DEPDC4: variants seen among roughly 807,000 people sequenced by gnomAD.
The protein encoded by DEPDC4 is DEP domain containing 4, also known as DEP domain-containing protein 4.
DEPDC4 carries 52 observed loss-of-function variants against 52.0 expected under a neutral mutation model. The observed-to-expected ratio is 1.00, with a 90% CI of 0.80 to 1.26. The LOEUF (loss-of-function observed/expected upper bound fraction) is 1.26, where lower values mean the gene tolerates loss of function less well. DEPDC4 is among the 50% of genes most tolerant of loss of function. The pLI, the probability that DEPDC4 is intolerant of heterozygous loss-of-function variation, is 0.00. For synonymous variants in DEPDC4, 201 were observed against 196.8 expected (o/e 1.02, Z -0.18); for missense variants, 530 against 546.9 (o/e 0.97, Z 0.31).
chr12:100,260,843 C>CTGAG (rs2096251088), intron 3 of DEPDC4, among the ~76,000 whole-genome samples: 1 of 151,924 alleles, frequency 6.6e-6, no homozygotes, highest in Admixed American at 6.6e-5. Context: ...TTACAGTGAG[C>CTGAG]TGAGATCACA....
chr12:100,267,759 C>T (rs1241722999), upstream of DEPDC4: 1 of 152,158 alleles, frequency 6.6e-6, no homozygotes, highest in African/African-American at 2.4e-5. Context: ...AACGTAGTAC[C>T]TTTCGGGGAC....
At chr12:100,273,512 A>T in the DEPDC4 span, among the ~76,000 whole-genome samples, 2 of 152,160 alleles carry the variant, frequency 1.3e-5, no homozygotes, top group African/African-American at 4.8e-5. Flanking sequence ...TACATAGTGG[A>T]TACTCAGTAA....
intron 3 of DEPDC4, among the ~76,000 whole-genome samples, chr12:100,259,081 A>ATATAT (rs1555312803): frequency 7.4e-5 from 11 of 149,188 alleles, no homozygotes; most frequent in African/African-American, 2.8e-4. Context: ...AAAAAAAAAA[A>ATATAT]ATATATATAT....
At chr12:100,270,981 C>T (rs2096287008), upstream of DEPDC4, among the ~76,000 whole-genome samples, 2 of 151,740 alleles carry the variant, frequency 1.3e-5, no homozygotes, top group Non-Finnish European at 2.9e-5. Flanking sequence ...TCAGGCTTGT[C>T]TTCTGTAATC....
chr12:100,267,268 G>A (rs539919525), upstream of DEPDC4: 22 of 609,006 alleles, frequency 3.6e-5, no homozygotes, highest in South Asian at 4.5e-4. Flanking sequence ...CGCGGGGGCG[G>A]CGGAGGATAT....
chr12:100,262,183 T>G, intron 3 of DEPDC4, 81 bp downstream of exon 3: 1 of 1,443,522 alleles, frequency 6.9e-7, no homozygotes, highest in East Asian at 2.4e-5. Context: ...TGCCGTGACC[T>G]TGAAACTGCT....
At chr12:100,266,243 T>C (rs2096272409) in intron 1 of DEPDC4, among the ~76,000 whole-genome samples, 1 of 152,060 alleles carries the variant, frequency 6.6e-6, no homozygotes, top group Non-Finnish European at 1.5e-5. Flanking sequence ...TATACATATG[T>C]TTACGATAAA....
At chr12:100,279,108 C>T in the DEPDC4 span, among the ~76,000 whole-genome samples, 2 of 152,036 alleles carry the variant, frequency 1.3e-5, no homozygotes, top group African/African-American at 4.8e-5. Flanking sequence ...AGCAGCAGTC[C>T]CCAACCTTTT....
upstream of DEPDC4, among the ~76,000 whole-genome samples, chr12:100,268,635 A>G (rs118090966): frequency 8.0e-3 from 1,211 of 152,288 alleles, 14 homozygotes; most frequent in South Asian, 0.055. Flanking sequence ...AGATTCATAA[A>G]TACCCAGTAA....
chr12:100,255,945 T>C, intron 4 of DEPDC4, 104 bp downstream of exon 4: 1 of 773,530 alleles, frequency 1.3e-6, no homozygotes. Flanking sequence ...AGAGAGATAG[T>C]ATAAGCTTAT....
At chr12:100,249,173 A>G (rs2096197910) in intron 7 of DEPDC4, among the ~76,000 whole-genome samples, 195 bp from the exon 8 acceptor site, 1 of 152,070 alleles carries the variant, frequency 6.6e-6, no homozygotes, top group South Asian at 2.1e-4. Context: ...TTAAAATCTT[A>G]TTTTCTGCCT....
chr12:100,252,412 G>A lies in DEPDC4; in HGVS notation c.1230C>T (p.Ala410=), dbSNP rs550593442. The change falls in exon 6 of 10, where the codon GCC becomes GCT. Residue 410 remains alanine (A), a synonymous_variant. Transcript: ENST00000550587. ...TFMAMASEPN[A]YKLQKQYDNK... The stretch of plus-strand genomic sequence containing the variant: ...TTTTCACCTGTTTTTGCAACTTGTA[G>A]GCATTGGGCTCTGATGCCATTGCCA... The A allele has an allele frequency of 1.0e-4, 161 of 1,575,114 alleles. No homozygotes were observed. The highest frequency in any genetic ancestry group is 2.1e-4 in the Admixed American group (11 of 53,048).
In DEPDC4 at chr12:100,252,288, G is replaced by C; in HGVS notation, c.1262C>G (p.Thr421Arg). The change falls in exon 7 of 10, where the codon ACA becomes AGA. Residue 421 changes from threonine to arginine, a missense_variant. Coordinates refer to ENST00000550587, the MANE Select transcript of DEPDC4 (RefSeq NM_001364818.2). ...YKLQKQYDNK[T>R]VVLKTLAKSV... ...TTTGGCAAGAGTTTTCAGGACCACT[G>C]TTTTATTATCATACTGTAAACAGAA... 1 of 1,445,750 alleles carries C rather than the reference G, an allele frequency of 6.9e-7. No homozygotes were observed. Among genetic ancestry groups the C allele is most frequent in the Non-Finnish European group, 9.1e-7 (1 of 1,100,884 alleles). The allele number at this position is 1,445,750 out of a possible 1,614,324, so 89.6% of individuals were successfully genotyped here.
Position 100,263,520 on chromosome 12 carries a change from C to T in DEPDC4, c.531G>A (p.Glu177=). The T allele has an allele frequency of 1.3e-6, 2 of 1,594,996 alleles. No individual in the cohort carries two copies. The highest frequency in any genetic ancestry group is 8.5e-7 in the Non-Finnish European group (1 of 1,172,264). Residue 177 remains glutamate, a synonymous_variant, in exon 2 of 10, where the codon GAG becomes GAA. Transcript: ENST00000550587. ...YDCCKRQKDA[E]NEFNETLRPG... Reference sequence around the variant, plus strand: ...ACCTCAAGGTTTCATTGAACTCATTCTCAGCATCCTTTTGTCTTTTGCAAC... The same window carrying T: ...ACCTCAAGGTTTCATTGAACTCATTTTCAGCATCCTTTTGTCTTTTGCAAC...
At chr12:100,267,085 C>T (rs781347768), upstream of DEPDC4, 3 of 1,611,762 alleles carry the variant, frequency 1.9e-6, no homozygotes, top group East Asian at 4.5e-5. Context: ...ATAGCCCCGC[C>T]CCACCTGACA....
upstream of DEPDC4, chr12:100,267,126 T>G (rs1475212685): frequency 9.5e-6 from 15 of 1,583,112 alleles, no homozygotes; most frequent in Non-Finnish European, 1.3e-5. Context: ...TGGCTCCGCC[T>G]CTTCCGAACC....
chr12:100,254,771 G>C (rs2096225336), intron 4 of DEPDC4, among the ~76,000 whole-genome samples: 1 of 151,872 alleles, frequency 6.6e-6, no homozygotes, highest in South Asian at 2.1e-4. Context: ...CACCTAGCTA[G>C]AGTGCAGTGA....
chr12:100,280,910 T>A, the DEPDC4 span, among the ~76,000 whole-genome samples: 1 of 151,696 alleles, frequency 6.6e-6, no homozygotes, highest in Admixed American at 6.6e-5. Context: ...AATTAAATGA[T>A]AAGTATTCAT....
the DEPDC4 span, among the ~76,000 whole-genome samples, chr12:100,275,022 G>A: frequency 0.032 from 4,911 of 152,256 alleles, 97 homozygotes; most frequent in African/African-American, 0.058. Flanking sequence ...TCCAATTCAT[G>A]ATCACAGTAT....
Sources: gnomAD v4.1 joint callset for allele counts (sites outside exome capture counted in the v4.1 genomes callset) on GRCh38, gnomAD v4.1.1 for gene constraint, MANE v1.5 for transcripts, NCBI Gene and HGNC (gene_info 2026-07-23, HGNC 2026-07-21) for gene names.